The following TLK1 variants were observed in gnomAD, a reference collection of about 807,000 sequenced individuals.
The protein encoded by TLK1 is tousled like kinase 1, also known as serine/threonine-protein kinase tousled-like 1.
In TLK1, 24 loss-of-function variants were observed where a neutral mutation model predicts 105.3. The observed-to-expected ratio is 0.23, with a 90% CI of 0.17 to 0.32. The LOEUF is 0.32. Among genes scored for constraint, TLK1 ranks in the 10% least tolerant of loss-of-function variants. TLK1 has a pLI of 1.00. For missense variants in TLK1, 558 were observed against 910.5 expected (o/e 0.61, Z 4.98); for synonymous variants, 321 against 310.4 (o/e 1.03, Z -0.36).
intron 11 of TLK1, among the ~76,000 whole-genome samples, chr2:171,034,336 A>G (rs1686210947): frequency 6.6e-6 from 1 of 152,178 alleles, no homozygotes; most frequent in East Asian, 1.9e-4. Context: ...AAGGGTGGAA[A>G]CAACCTAAAT....
rs568314362 is a variant in TLK1, at chr2:171,064,019, C to A, written c.331-2863G>T. ...TTCGTGAAGCCTTTTTCCTCTGAGGCAGAATTTCCCAGTGTGGAGGTATGG... is the reference window on the plus strand; with the variant it reads ...TTCGTGAAGCCTTTTTCCTCTGAGGAAGAATTTCCCAGTGTGGAGGTATGG... On this transcript the variant is annotated intron_variant, in intron 3 of 20. Transcript: ENST00000431350. Among the ~76,000 whole-genome samples, 3 of 152,252 alleles carry A rather than the reference C, an allele frequency of 2.0e-5. No individual in the cohort carries two copies. The East Asian group carries it at 5.8e-4, about 29-fold the overall frequency.
At chr2:171,225,579 AAC>A (rs1178983533) in intron 1 of TLK1, among the ~76,000 whole-genome samples, 1 of 152,222 alleles carries the variant, frequency 6.6e-6, no homozygotes, top group Non-Finnish European at 1.5e-5. Context: ...TAAAAACTTA[AAC>A]ACAGAGTTAC....
intron 1 of TLK1, among the ~76,000 whole-genome samples, chr2:171,120,511 T>C (rs969544164): frequency 1.3e-5 from 2 of 152,116 alleles, no homozygotes; most frequent in African/African-American, 2.4e-5. Flanking sequence ...AAAGAAGATA[T>C]GCAAATGACC....
At chr2:171,013,595 C>T (rs1197862414) in intron 13 of TLK1, among the ~76,000 whole-genome samples, 2 of 152,082 alleles carry the variant, frequency 1.3e-5, no homozygotes, top group Non-Finnish European at 2.9e-5. Flanking sequence ...CATAAGCCAG[C>T]ACACCTGGCT....
intron 12 of TLK1, among the ~76,000 whole-genome samples, chr2:171,016,723 A>T (rs1685231875): frequency 6.6e-6 from 1 of 152,212 alleles, no homozygotes; most frequent in Non-Finnish European, 1.5e-5. Context: ...GGTACCTAAG[A>T]CAGAAATTCA....
At chr2:171,063,290 G>A (rs1687841722) in intron 3 of TLK1, among the ~76,000 whole-genome samples, 1 of 152,060 alleles carries the variant, frequency 6.6e-6, no homozygotes, top group African/African-American at 2.4e-5. Context: ...GGGTTGCAGT[G>A]AGCCAAGATC....
chr2:171,006,671 A>T, intron 16 of TLK1, 28 bp from the exon 17 acceptor site: 1 of 1,610,444 alleles, frequency 6.2e-7, no homozygotes, highest in Non-Finnish European at 8.5e-7. Context: ...AAAAAATTAG[A>T]CATAAGTAAT....
rs1683846441 is a variant in TLK1 at position 170,992,928 on chromosome 2, T to G, written c.*852A>C. The stretch of plus-strand genomic sequence containing the variant: ...AGAGCTAGAAGGGAATTTATCATTA[T>G]CCTGCATAGAACTGGTCTGCATTTG... On this transcript the variant is annotated 3_prime_UTR_variant, in exon 21 of 21. Coordinates refer to ENST00000431350, the MANE Select transcript of TLK1 (RefSeq NM_012290.5). 1 of 152,666 alleles carries G rather than the reference T, an allele frequency of 6.6e-6. No individual in the cohort carries two copies. Among genetic ancestry groups the G allele is most frequent in the African/African-American group, 2.4e-5 (1 of 41,476 alleles). 9.5% of individuals were successfully genotyped at this position (152,666 alleles called of 1,614,324 possible). A position where few individuals can be genotyped will look rare whatever the true frequency, so the allele number is the denominator to read the frequency against.
rs777859598 is a variant in TLK1 at position 171,135,323 on chromosome 2, A to G, written c.140-17466T>C. The stretch of plus-strand genomic sequence containing the variant: ...TGTGTTTGTGTGTGTGTGTGTGTAT[A>G]TATATATATATATATATATATCAAA... On this transcript the variant is annotated intron_variant, in intron 1 of 20. Transcript: ENST00000431350. Among the ~76,000 whole-genome samples the G allele has an allele frequency of 2.8e-3, 160 of 56,800 alleles. 1 individual carries two copies. Among genetic ancestry groups the G allele is most frequent in the Non-Finnish European group, 3.7e-3 (103 of 27,668 alleles). 37.3% of individuals were successfully genotyped at this position (56,800 alleles called of 152,430 possible). A position where few individuals can be genotyped will look rare whatever the true frequency, so the allele number is the denominator to read the frequency against.
intron 1 of TLK1, among the ~76,000 whole-genome samples, chr2:171,182,935 A>AAAGAAAGAAAG (rs58968031): frequency 1.6e-4 from 20 of 128,832 alleles, no homozygotes; most frequent in African/African-American, 4.7e-4. Flanking sequence ...AAAAAAAAAA[A>AAAGAAAGAAAG]AAAGAAAGAA....
chr2:171,152,997 T>C (rs1288885113), intron 1 of TLK1, among the ~76,000 whole-genome samples: 1 of 152,074 alleles, frequency 6.6e-6, no homozygotes, highest in Non-Finnish European at 1.5e-5. Context: ...TTTTTTTAAA[T>C]CTTATCTTCA....
Position 171,015,415 on chromosome 2 carries a change from AACACACACACAC to A in TLK1, c.1237-479_1237-468del, listed in dbSNP as rs56238853. Reference sequence around the variant, plus strand: ...TACGCCTTACAGCATTTGGAGTACAAACACACACACACACACACACACACACACACACACACA... The same window carrying A: ...TACGCCTTACAGCATTTGGAGTACAAACACACACACACACACACACACACA... On this transcript the variant is annotated intron_variant, in intron 12 of 20. Transcript: ENST00000431350. 4.1e-3 allele frequency among the ~76,000 whole-genome samples: 541 copies of A among 132,664 alleles called. 2 individuals are homozygous for A. Among genetic ancestry groups the A allele is most frequent in the Middle Eastern group, 0.011 (3 of 262 alleles). The allele number at this position is 132,664 out of a possible 152,430, so 87.0% of individuals were successfully genotyped here.
At chr2:171,144,452 G>C (rs1327647985) in intron 1 of TLK1, among the ~76,000 whole-genome samples, 2 of 151,958 alleles carry the variant, frequency 1.3e-5, no homozygotes, top group African/African-American at 4.8e-5. Flanking sequence ...AAACTGAAAA[G>C]GATAAAAAGG....
At chr2:171,138,273 A>G (rs1447614050) in intron 1 of TLK1, among the ~76,000 whole-genome samples, 1 of 152,222 alleles carries the variant, frequency 6.6e-6, no homozygotes, top group Non-Finnish European at 1.5e-5. Flanking sequence ...AAGGAAGAAG[A>G]GAATTTGCTA....
At chr2:171,115,941 CTTA>C (rs1690406973) in intron 2 of TLK1, among the ~76,000 whole-genome samples, 1 of 152,098 alleles carries the variant, frequency 6.6e-6, no homozygotes, top group African/African-American at 2.4e-5. Context: ...CAAGGTAATT[CTTA>C]TTAAAATATC....
chr2:171,001,868 C>T (rs1684391991), intron 18 of TLK1, among the ~76,000 whole-genome samples: 2 of 152,008 alleles, frequency 1.3e-5, no homozygotes, highest in South Asian at 4.2e-4. Context: ...GCAACCTCTG[C>T]CTACTGGGTT....
chr2:171,077,801 C>G (rs527419852), intron 3 of TLK1, among the ~76,000 whole-genome samples: 6 of 152,252 alleles, frequency 3.9e-5, no homozygotes, highest in Non-Finnish European at 7.4e-5. Context: ...TAAAAGAATA[C>G]AAATGAATAA....
chr2:171,134,449 CAACTT>C (rs1234204434), intron 1 of TLK1, among the ~76,000 whole-genome samples: 4 of 152,142 alleles, frequency 2.6e-5, no homozygotes, highest in African/African-American at 9.7e-5. Context: ...AGTTGGCTAA[CAACTT>C]GACTAACGAT....
At chr2:171,133,561 G>A (rs1388582038) in intron 1 of TLK1, among the ~76,000 whole-genome samples, 10 of 152,002 alleles carry the variant, frequency 6.6e-5, no homozygotes, top group Admixed American at 5.9e-4. Flanking sequence ...ACTCTACCAA[G>A]GCACTTCAGC....
Sources: gnomAD v4.1 joint callset for allele counts (sites outside exome capture counted in the v4.1 genomes callset) on GRCh38, gnomAD v4.1.1 for gene constraint, MANE v1.5 for transcripts, NCBI Gene and HGNC (gene_info 2026-07-23, HGNC 2026-07-21) for gene names.